NUP62CL: variants seen among roughly 807,000 people sequenced by gnomAD.
NUP62CL encodes nucleoporin 62 C-terminal like.
NUP62CL carries 13 observed loss-of-function variants against 15.3 expected under a neutral mutation model. The observed-to-expected ratio is 0.85, with a 90% CI of 0.55 to 1.35. NUP62CL has a LOEUF of 1.35. NUP62CL is among the 40% of genes most tolerant of loss of function. The pLI, the probability that NUP62CL is intolerant of heterozygous loss-of-function variation, is 0.00. For synonymous variants in NUP62CL, 54 were observed against 49.2 expected (o/e 1.10, Z -0.41); for missense variants, 123 against 130.6 (o/e 0.94, Z 0.28).
rs138219511 is a variant in NUP62CL at position 107,199,468 on chromosome X, C to A, written c.-91-6396G>T. Among the ~76,000 whole-genome samples, 820 of 112,208 alleles carry A rather than the reference C, an allele frequency of 7.3e-3. 6 individuals are homozygous for A. The highest frequency in any genetic ancestry group is 0.023 in the Middle Eastern group (5 of 218). On this transcript the variant is annotated intron_variant, in intron 1 of 8. Coordinates refer to ENST00000372466, the MANE Select transcript of NUP62CL (RefSeq NM_017681.3). The stretch of plus-strand genomic sequence containing the variant: ...AAGTATAAATGATTTTGAGAGTAAT[C>A]ATTCATTCCCCTACATTTACTTTGA...
At chrX:107,176,803 A>C (rs1926798023) in intron 2 of NUP62CL, among the ~76,000 whole-genome samples, 1 of 111,725 alleles carries the variant, frequency 9.0e-6, no homozygotes, top group Non-Finnish European at 1.9e-5. Context: ...ACAAATTAGG[A>C]AGAGAAGGGA....
In NUP62CL at chrX:107,154,036, C is replaced by A. The variant is rs184404048; in HGVS notation, c.345+60G>T. The A allele has an allele frequency of 3.2e-3, 3,289 of 1,020,753 alleles. 8 individuals carry two copies. The highest frequency in any genetic ancestry group is 6.5e-3 in the Middle Eastern group (23 of 3,563). 84.1% of individuals were successfully genotyped at this position (1,020,753 alleles called of 1,213,427 possible). On this transcript the variant is annotated intron_variant, in intron 5 of 8. Transcript: ENST00000372466. The stretch of plus-strand genomic sequence containing the variant: ...AAACCACAAAACACAGGTCTATTTT[C>A]TTGTGTTCATCTGCAAATACTTGCA...
chrX:107,171,744 C>T (rs907926443), intron 3 of NUP62CL, among the ~76,000 whole-genome samples: 12 of 110,718 alleles, frequency 1.1e-4, no homozygotes, highest in Admixed American at 8.7e-4. Context: ...AAGGGATGGG[C>T]TAGTGGCAAA....
chrX:107,138,051 CA>C (rs1925681518), intron 8 of NUP62CL, among the ~76,000 whole-genome samples: 1 of 110,643 alleles, frequency 9.0e-6, no homozygotes, highest in African/African-American at 3.3e-5. Context: ...TTTTAAGGCA[CA>C]AAAGCAATTT....
intron 1 of NUP62CL, among the ~76,000 whole-genome samples, chrX:107,194,706 T>C (rs1927319540): frequency 9.0e-6 from 1 of 110,588 alleles, no homozygotes; most frequent in African/African-American, 3.3e-5. Flanking sequence ...ATTGTAGACA[T>C]AGATTTTAAT....
chrX:107,160,010 A>T (rs1279376407), intron 4 of NUP62CL, among the ~76,000 whole-genome samples: 2,331 of 101,934 alleles, frequency 0.023, 90 homozygotes, highest in African/African-American at 0.08. Context: ...GAGCCAAATC[A>T]TGAGTGAACT....
chrX:107,141,826 G>A (rs889716144), intron 8 of NUP62CL, among the ~76,000 whole-genome samples: 11 of 110,259 alleles, frequency 1.0e-4, no homozygotes, highest in Non-Finnish European at 1.9e-4. Context: ...TTGGGAGGCC[G>A]AGGCGGTGGA....
Position 107,127,887 on chromosome X carries a change from G to T in NUP62CL, c.*43-3555C>A, listed in dbSNP as rs1205744667. Among the ~76,000 whole-genome samples, 4 of 111,668 alleles carry T rather than the reference G, an allele frequency of 3.6e-5. No homozygotes were observed. The East Asian group carries it at 1.1e-3, about 31-fold the overall frequency. On this transcript the variant is annotated intron_variant, in intron 8 of 8. Coordinates refer to ENST00000372466, the MANE Select transcript of NUP62CL (RefSeq NM_017681.3). ...ATTTTCAAAATACTCAACCTCATTAGTAACCAGAGGAATGCAAATTAAACC... is the reference window on the plus strand; with the variant it reads ...ATTTTCAAAATACTCAACCTCATTATTAACCAGAGGAATGCAAATTAAACC...
chrX:107,203,629 T>A lies in NUP62CL; in HGVS notation c.-92+2644A>T, dbSNP rs149480027. Reference sequence around the variant, plus strand: ...TAAGTAAATTACAGCCAACTCACTCTACGAAATATTAGGTTGCTGTTAATA... The same window carrying A: ...TAAGTAAATTACAGCCAACTCACTCAACGAAATATTAGGTTGCTGTTAATA... On this transcript the variant is annotated intron_variant, in intron 1 of 8. Transcript: ENST00000372466. 6.5e-3 allele frequency among the ~76,000 whole-genome samples: 725 copies of A among 111,433 alleles called. 5 individuals are homozygous for A. The highest frequency in any genetic ancestry group is 0.022 in the African/African-American group (680 of 30,618).
chrX:107,152,006 G>A (rs1926022292), intron 7 of NUP62CL, among the ~76,000 whole-genome samples: 1 of 90,418 alleles, frequency 1.1e-5, no homozygotes, highest in South Asian at 5.4e-4. Flanking sequence ...TTCCAGCCTG[G>A]GCGACAGAGC....
intron 3 of NUP62CL, among the ~76,000 whole-genome samples, chrX:107,171,203 A>G (rs6622171): frequency 0.31 from 34,345 of 110,878 alleles, 5,143 homozygotes; most frequent in African/African-American, 0.56. Flanking sequence ...CTGCTCTGCA[A>G]GACTGGTTAG....
intron 3 of NUP62CL, among the ~76,000 whole-genome samples, chrX:107,171,362 G>A (rs1286025330): frequency 2.7e-5 from 3 of 111,795 alleles, no homozygotes; most frequent in Non-Finnish European, 5.6e-5. Flanking sequence ...GTGAAATGGT[G>A]TGTATTAGTC....
chrX:107,178,231 G>C (rs1926831405), intron 2 of NUP62CL, among the ~76,000 whole-genome samples: 1 of 111,835 alleles, frequency 8.9e-6, no homozygotes, highest in Non-Finnish European at 1.9e-5. Context: ...AGTTTCTTTT[G>C]GGGATGATGA....
Position 107,129,245 on chromosome X carries a change from G to A in NUP62CL, c.*43-4913C>T, listed in dbSNP as rs752935846. ...AATTAGTAGAGCTAGGTAATTCAAA[G>A]TGATATTGAAAGTGGAGCTAAAAAC... is the stretch of plus-strand genomic sequence containing the variant. On this transcript the variant is annotated intron_variant, in intron 8 of 8. Coordinates refer to ENST00000372466, the MANE Select transcript of NUP62CL (RefSeq NM_017681.3). Among the ~76,000 whole-genome samples the A allele has an allele frequency of 4.5e-5, 5 of 111,742 alleles. No homozygotes were observed. In the Admixed American group the frequency reaches 4.7e-4, roughly 11 times the overall value.
chrX:107,174,067 C>G (rs1602656195), intron 3 of NUP62CL, among the ~76,000 whole-genome samples: 1 of 69,962 alleles, frequency 1.4e-5, no homozygotes, highest in African/African-American at 5.7e-5. Context: ...CTCCCTCCCT[C>G]CCTCTCTCTC....
At chrX:107,179,100 A>AG (rs1926853050) in intron 2 of NUP62CL, among the ~76,000 whole-genome samples, 1 of 110,091 alleles carries the variant, frequency 9.1e-6, no homozygotes, top group Admixed American at 9.7e-5. Context: ...TCTCAAAAAA[A>AG]AAAAAGAAAA....
intron 8 of NUP62CL, among the ~76,000 whole-genome samples, chrX:107,140,829 T>C (rs758490039): frequency 2.7e-5 from 3 of 112,259 alleles, no homozygotes; most frequent in Non-Finnish European, 5.6e-5. Flanking sequence ...AAAGTTTAAC[T>C]GGTGAAATAC....
intron 4 of NUP62CL, among the ~76,000 whole-genome samples, chrX:107,157,364 AG>A (rs1329322574): frequency 2.1e-4 from 23 of 109,180 alleles, no homozygotes; most frequent in African/African-American, 7.0e-4. Flanking sequence ...AAAAATGTTA[AG>A]GGCAGCCAGA....
chrX:107,197,853 C>T (rs1480241824), intron 1 of NUP62CL, among the ~76,000 whole-genome samples: 1 of 111,912 alleles, frequency 8.9e-6, no homozygotes, highest in Non-Finnish European at 1.9e-5. Flanking sequence ...TTCCTCACTT[C>T]TAAAATTCTG....
Sources: gnomAD v4.1 joint callset for allele counts (sites outside exome capture counted in the v4.1 genomes callset) on GRCh38, gnomAD v4.1.1 for gene constraint, MANE v1.5 for transcripts, NCBI Gene and HGNC (gene_info 2026-07-23, HGNC 2026-07-21) for gene names.